The following ARL15 variants were observed in gnomAD, a reference collection of about 807,000 sequenced individuals.
ARL15 encodes the protein ADP-ribosylation factor-like protein 15.
A neutral mutation model predicts 25.2 loss-of-function variants in ARL15; 19 were observed. That is an observed-to-expected ratio of 0.75 (90% CI 0.53 to 1.10). The LOEUF is 1.10. Ranked by LOEUF, ARL15 falls within the 50% of genes least tolerant of loss-of-function variation. The probability of loss-of-function intolerance (pLI) is 0.00; values close to 1 mark genes in which losing one functional copy is unlikely to be tolerated. For missense variants in ARL15, 220 were observed against 246.0 expected, an observed-to-expected ratio of 0.89 and a Z score of 0.71; for synonymous variants, 94 against 86.8, an observed-to-expected ratio of 1.08 and a Z score of -0.46.
chr5:54,268,499 A>G (rs6883819), intron 1 of ARL15, among the ~76,000 whole-genome samples: 99,897 of 152,006 alleles, frequency 0.66, 33,946 homozygotes, highest in Non-Finnish European at 0.75. Context: ...GCTTTGTTCC[A>G]TTGCTGGTGA....
chr5:53,909,887 A>C (rs943810822), intron 4 of ARL15, among the ~76,000 whole-genome samples: 1 of 152,240 alleles, frequency 6.6e-6, no homozygotes, highest in Non-Finnish European at 1.5e-5. Context: ...ACAATAGCTG[A>C]CAATATAAAC....
intron 4 of ARL15, among the ~76,000 whole-genome samples, chr5:54,103,845 T>C (rs1752511200): frequency 6.6e-6 from 1 of 152,174 alleles, no homozygotes; most frequent in Admixed American, 6.5e-5. Context: ...AGGCCAAAAA[T>C]ATGTGATTTT....
chr5:54,200,233 A>G (rs902520442), intron 1 of ARL15, among the ~76,000 whole-genome samples: 3 of 151,946 alleles, frequency 2.0e-5, no homozygotes, highest in Non-Finnish European at 2.9e-5. Context: ...AGCATGGCAC[A>G]TGTATACATA....
In ARL15 at chr5:54,113,853, A is replaced by G. The variant is rs535691749; in HGVS notation, c.254-443T>C. 1.2e-4 allele frequency among the ~76,000 whole-genome samples: 18 copies of G among 152,292 alleles called. No homozygotes were observed. In the South Asian group the frequency reaches 3.7e-3, roughly 32 times the overall value. On this transcript the variant is annotated intron_variant, in intron 3 of 4. Transcript: ENST00000504924. ...CCAAACCATTAACATTAGCTTGGTG[A>G]TACTTTTTTAACAGAACTGCTTGCT...
intron 4 of ARL15, among the ~76,000 whole-genome samples, chr5:54,069,558 C>CAAAAAA (rs34795383): frequency 2.1e-5 from 1 of 48,086 alleles, no homozygotes; most frequent in African/African-American, 1.1e-4. Context: ...CAAAACGTCT[C>CAAAAAA]AAAAAAAAAA....
intron 2 of ARL15, among the ~76,000 whole-genome samples, chr5:54,167,201 A>C (rs1754599214): frequency 6.6e-6 from 1 of 152,170 alleles, no homozygotes; most frequent in African/African-American, 2.4e-5. Flanking sequence ...GTTTCCTCAC[A>C]TGCATGCATT....
chr5:53,945,639 T>C (rs767950340), intron 4 of ARL15, among the ~76,000 whole-genome samples: 1 of 152,130 alleles, frequency 6.6e-6, no homozygotes, highest in Non-Finnish European at 1.5e-5. Flanking sequence ...AGCAGTGAAA[T>C]TCCAAAGCAC....
chr5:53,969,436 G>C (rs1431754169), intron 4 of ARL15, among the ~76,000 whole-genome samples: 1 of 151,870 alleles, frequency 6.6e-6, no homozygotes, highest in Non-Finnish European at 1.5e-5. Flanking sequence ...TTTTCTTTTT[G>C]TGTCTATCTT....
chr5:54,064,342 G>C (rs1024285298), intron 4 of ARL15, among the ~76,000 whole-genome samples: 3 of 152,148 alleles, frequency 2.0e-5, no homozygotes, highest in African/African-American at 7.2e-5. Context: ...CACTCCCCCT[G>C]TAAGTTCCCC....
chr5:54,272,215 A>T (rs1757805418), intron 1 of ARL15, among the ~76,000 whole-genome samples: 1 of 146,606 alleles, frequency 6.8e-6, no homozygotes, highest in Non-Finnish European at 1.5e-5. Context: ...GGCTTCCCAA[A>T]GTTCTGAGAT....
At chr5:54,048,997 T>C (rs1390637268) in intron 4 of ARL15, among the ~76,000 whole-genome samples, 1 of 151,878 alleles carries the variant, frequency 6.6e-6, no homozygotes, top group Non-Finnish European at 1.5e-5. Flanking sequence ...TTTCCTCAGT[T>C]CCAAAATGTA....
intron 1 of ARL15, among the ~76,000 whole-genome samples, chr5:54,249,656 T>G: frequency 7.6e-6 from 1 of 130,788 alleles, no homozygotes; most frequent in African/African-American, 3.0e-5. Flanking sequence ...AGGAGAAGTG[T>G]GGTTGTGGTT....
rs541608319 is a variant in ARL15, at chr5:54,197,681, G to A, written c.49-25753C>T. Reference sequence around the variant, plus strand: ...AGCTTACCAACCAAAAAGAGTCCAGGACCAGATGGATTCACAGCTGAATTC... The same window carrying A: ...AGCTTACCAACCAAAAAGAGTCCAGAACCAGATGGATTCACAGCTGAATTC... On this transcript the variant is annotated intron_variant, in intron 1 of 4. Transcript: ENST00000504924. Among the ~76,000 whole-genome samples the A allele has an allele frequency of 0.013, 2,025 of 152,102 alleles. 81 individuals are homozygous for A. In the East Asian group the frequency reaches 0.16, roughly 12 times the overall value.
At chr5:54,055,805 A>G (rs1750850950) in intron 4 of ARL15, among the ~76,000 whole-genome samples, 2 of 151,504 alleles carry the variant, frequency 1.3e-5, no homozygotes, top group South Asian at 4.2e-4. Flanking sequence ...TACTTCCCTA[A>G]CTCCCATGGC....
intron 4 of ARL15, among the ~76,000 whole-genome samples, chr5:53,930,771 T>A (rs1282786087): frequency 1.3e-5 from 2 of 152,162 alleles, no homozygotes; most frequent in Non-Finnish European, 2.9e-5. Context: ...ATTCAAGTGG[T>A]TTCCCTATAG....
intron 1 of ARL15, among the ~76,000 whole-genome samples, chr5:54,207,851 T>C (rs1448963203): frequency 6.6e-6 from 1 of 152,196 alleles, no homozygotes; most frequent in East Asian, 1.9e-4. Flanking sequence ...ACTTAAGAGT[T>C]CTAGATCCTC....
rs555692901 is a variant in ARL15, at chr5:54,236,992, ATTGT to A, written c.49-65068_49-65065del. Among the ~76,000 whole-genome samples the A allele has an allele frequency of 1.6e-4, 24 of 152,258 alleles. 1 individual carries two copies. The South Asian group carries it at 5.0e-3, about 32-fold the overall frequency. ...GAGTGAAAATGATGTGTACAAAGGA[ATTGT>A]TTGTTCTCCTTTTCCACTCTTTTCA... On this transcript the variant is annotated intron_variant, in intron 1 of 4. Coordinates refer to ENST00000504924, the MANE Select transcript of ARL15 (RefSeq NM_019087.3).
chr5:54,133,611 C>G (rs1753505086), intron 3 of ARL15, among the ~76,000 whole-genome samples: 1 of 152,176 alleles, frequency 6.6e-6, no homozygotes, highest in Non-Finnish European at 1.5e-5. Flanking sequence ...CTGACAGTTT[C>G]ATAGCAAAGA....
intron 4 of ARL15, among the ~76,000 whole-genome samples, chr5:53,898,658 C>G (rs142806583): frequency 1.3e-5 from 2 of 151,718 alleles, no homozygotes; most frequent in African/African-American, 2.4e-5. Flanking sequence ...CGCTGCCCCC[C>G]CTACCCCCGA....
Sources: allele counts gnomAD v4.1 joint callset (sites outside exome capture counted in the v4.1 genomes callset), GRCh38; gene constraint gnomAD v4.1.1; transcripts MANE v1.5; gene names NCBI Gene and HGNC (gene_info 2026-07-23, HGNC 2026-07-21).